The following SEC14L5 variants were observed in gnomAD, a reference collection of about 807,000 sequenced individuals.
The protein encoded by SEC14L5 is SEC14 like lipid binding 5, also known as SEC14-like protein 5.
Under a neutral mutation model 84.6 loss-of-function variants are expected in SEC14L5, and 96 were observed. The ratio of observed to expected loss-of-function variants is 1.13; its 90% CI spans 0.96 to 1.34. The LOEUF (loss-of-function observed/expected upper bound fraction) is 1.34, where lower values mean the gene tolerates loss of function less well. Ranked by LOEUF, SEC14L5 falls within the 40% of genes most tolerant of loss-of-function variation. SEC14L5 has a pLI of 0.00. For synonymous variants in SEC14L5, 546 were observed against 383.4 expected (o/e 1.42, Z -4.95); for missense variants, 1,224 against 942.5 (o/e 1.30, Z -3.91).
chr16:5,010,764 C>T, intron 14 of SEC14L5: 1 of 301,536 alleles, frequency 3.3e-6, no homozygotes, highest in Non-Finnish European at 6.2e-6. Flanking sequence ...TTCCTAATCC[C>T]CTTGGTTTGC....
rs141146745 is a variant in SEC14L5 at position 4,989,534 on chromosome 16, A to G, written c.346-1233A>G. Among the ~76,000 whole-genome samples, 1,389 of 152,100 alleles carry G rather than the reference A, an allele frequency of 9.1e-3. 10 individuals are homozygous for G. The highest frequency in any genetic ancestry group is 0.02 in the Middle Eastern group (6 of 294). On this transcript the variant is annotated intron_variant, in intron 4 of 15. Transcript: ENST00000251170. Reference sequence around the variant, plus strand: ...GCTGATTTTTGTATTTTTAGTAGAGATAGGGTTTCTCCATGTTGGCCAGGC... The same window carrying G: ...GCTGATTTTTGTATTTTTAGTAGAGGTAGGGTTTCTCCATGTTGGCCAGGC...
Position 4,992,003 on chromosome 16 carries a change from C to T in SEC14L5, c.640C>T (p.Pro214Ser), listed in dbSNP as rs1427345881. ...EAHGPRSTLG[P>S]ALEAVSMDGD... is the part of the protein sequence containing the mutation. ...CCACGGGCCCCGTAGCACCCTGGGG[C>T]CCGCTCTGGAGGCGGTCAGTATGGA... Residue 214 changes from proline (P) to serine (S), a missense_variant, in exon 6 of 16, where the codon CCC becomes TCC. Transcript: ENST00000251170. The T allele has an allele frequency of 1.9e-6, 3 of 1,578,894 alleles. No individual in the cohort carries two copies. Among genetic ancestry groups the T allele is most frequent in the South Asian group, 2.3e-5 (2 of 87,478 alleles).
chr16:5,002,298 A>ATTTTTT (rs71402579), intron 10 of SEC14L5, among the ~76,000 whole-genome samples: 1 of 133,740 alleles, frequency 7.5e-6, no homozygotes, highest in Non-Finnish European at 1.6e-5. Context: ...CTGTTTGCAG[A>ATTTTTT]TTTTTTTTTT....
chr16:4,976,832 A>G (rs1955347094), intron 2 of SEC14L5, among the ~76,000 whole-genome samples: 1 of 152,218 alleles, frequency 6.6e-6, no homozygotes, highest in African/African-American at 2.4e-5. Flanking sequence ...TGAGAGCACC[A>G]AACCATGTGT....
chr16:5,012,041 A>G (rs895198792), intron 15 of SEC14L5, among the ~76,000 whole-genome samples: 5 of 152,230 alleles, frequency 3.3e-5, no homozygotes, highest in Non-Finnish European at 7.3e-5. Context: ...TTAAGGCTCA[A>G]GGAAGGTGCT....
At chr16:4,988,755 C>G (rs1955522517) in intron 4 of SEC14L5, among the ~76,000 whole-genome samples, 1 of 152,220 alleles carries the variant, frequency 6.6e-6, no homozygotes, top group African/African-American at 2.4e-5. Context: ...TTACCTTTGA[C>G]TATAATTAAT....
intron 11 of SEC14L5, 141 bp downstream of exon 11, chr16:5,003,714 C>A: frequency 1.6e-6 from 1 of 619,062 alleles, no homozygotes; most frequent in Non-Finnish European, 2.8e-6. Flanking sequence ...TAGCATAAAG[C>A]TCACACTTTT....
Position 5,003,389 on chromosome 16 carries a change from A to G in SEC14L5, c.1131-13A>G, listed in dbSNP as rs769794743. On this transcript the variant is annotated splice_polypyrimidine_tract_variant and intron_variant, in intron 10 of 15. Transcript: ENST00000251170. ...AGCAGAGCCAGGTGGAGCTGGGGCT[A>G]TTTCTGCCACAGCTCCTGGACCTGC... 6.2e-6 allele frequency: 10 copies of G among 1,608,790 alleles called. No homozygotes were observed. The highest frequency in any genetic ancestry group is 1.3e-5 in the African/African-American group (1 of 74,830).
intron 10 of SEC14L5, among the ~76,000 whole-genome samples, chr16:5,002,486 G>C (rs561662557): frequency 6.6e-6 from 1 of 152,012 alleles, no homozygotes; most frequent in Non-Finnish European, 1.5e-5. Flanking sequence ...TAGTAGAGAT[G>C]GGGTTTCACC....
Position 5,015,304 on chromosome 16 carries a change from T to C in SEC14L5, c.*334T>C. 1 of 271,390 alleles carries C rather than the reference T, an allele frequency of 3.7e-6. No individual in the cohort carries two copies. Among genetic ancestry groups the C allele is most frequent in the East Asian group, 7.2e-5 (1 of 13,966 alleles). The allele number at this position is 271,390 out of a possible 1,614,324, so 16.8% of individuals were successfully genotyped here. On this transcript the variant is annotated 3_prime_UTR_variant, in exon 16 of 16. Transcript: ENST00000251170. ...CATCTCCTCTCTGTCCACCTCTTGC[T>C]CTGCTTTCGCCATGCAGGGGACCAT...
intron 2 of SEC14L5, among the ~76,000 whole-genome samples, chr16:4,980,409 TG>T (rs1955407428): frequency 6.6e-6 from 1 of 152,144 alleles, no homozygotes; most frequent in Non-Finnish European, 1.5e-5. Flanking sequence ...GCCTGTTATC[TG>T]GGGGCTCCAG....
At chr16:4,998,504 C>T (rs1216219650) in intron 8 of SEC14L5, among the ~76,000 whole-genome samples, 6 of 149,650 alleles carry the variant, frequency 4.0e-5, no homozygotes, top group Non-Finnish European at 6.0e-5. Flanking sequence ...TTTGGGAGGC[C>T]GAGGCGGGCG....
chr16:5,014,599 C>T lies in SEC14L5; in HGVS notation c.1980-260C>T, dbSNP rs543747415. On this transcript the variant is annotated intron_variant, in intron 15 of 15. Coordinates refer to ENST00000251170, the MANE Select transcript of SEC14L5 (RefSeq NM_014692.2). ...GGGCCGGGGACTCCCTGGGCTGTGG[C>T]GGCCTTAGGGCCATGCAAGGGCCTC... Among the ~76,000 whole-genome samples the T allele has an allele frequency of 2.2e-4, 33 of 152,328 alleles. 1 individual carries two copies. Among genetic ancestry groups the T allele is most frequent in the Admixed American group, 1.3e-3 (20 of 15,302 alleles).
intron 2 of SEC14L5, among the ~76,000 whole-genome samples, chr16:4,974,931 C>A (rs886273137): frequency 3.9e-5 from 6 of 151,942 alleles, no homozygotes; most frequent in Non-Finnish European, 7.4e-5. Flanking sequence ...GTGTGTGCCA[C>A]CATGCCTGGC....
At chr16:4,990,687 C>T in intron 4 of SEC14L5, 80 bp from the exon 5 acceptor site, 3 of 1,401,352 alleles carry the variant, frequency 2.1e-6, no homozygotes, top group Non-Finnish European at 2.9e-6. Flanking sequence ...TGCCTGGGCC[C>T]AGGTCAGTGG....
At chr16:4,974,882 A>T (rs956283795) in intron 2 of SEC14L5, among the ~76,000 whole-genome samples, 1 of 151,812 alleles carries the variant, frequency 6.6e-6, no homozygotes, top group Non-Finnish European at 1.5e-5. Flanking sequence ...TATTCAAGCG[A>T]TTCTCCTGCC....
At chr16:4,971,556 G>A (rs1443483715) in intron 2 of SEC14L5, among the ~76,000 whole-genome samples, 1 of 152,160 alleles carries the variant, frequency 6.6e-6, no homozygotes, top group Non-Finnish European at 1.5e-5. Context: ...TAATCCCTGT[G>A]GATAAACCCT....
chr16:5,015,020 G>A lies in SEC14L5; in HGVS notation c.*50G>A. 2.1e-6 allele frequency: 3 copies of A among 1,434,136 alleles called. No individual in the cohort carries two copies. The highest frequency in any genetic ancestry group is 2.9e-6 in the Non-Finnish European group (3 of 1,029,900). The allele number at this position is 1,434,136 out of a possible 1,614,324, so 88.8% of individuals were successfully genotyped here. A position where few individuals can be genotyped will look rare whatever the true frequency, so the allele number is the denominator to read the frequency against. On this transcript the variant is annotated 3_prime_UTR_variant, in exon 16 of 16. Transcript: ENST00000251170. ...CCGCTCGCCTCCAGTGTCCAGAAAT[G>A]TCCAGAATGAGAAGCCAGCTAACTG...
chr16:5,008,546 G>A lies in SEC14L5; in HGVS notation c.1698G>A (p.Gly566=), dbSNP rs1294675989. Reference sequence around the variant, plus strand: ...CCAGGCTGGGCGCCCGGGAACCGGGGACCAGGGCCAGCGGGCAGCTGATCG... The same window carrying A: ...CCAGGCTGGGCGCCCGGGAACCGGGAACCAGGGCCAGCGGGCAGCTGATCG... The part of the protein sequence containing the change: ...QAPRLGAREP[G]TRASGQLIDK... Residue 566 remains glycine, a synonymous_variant, in exon 14 of 16, where the codon GGG becomes GGA. Transcript: ENST00000251170. 1.2e-6 allele frequency: 2 copies of A among 1,609,536 alleles called. No individual in the cohort carries two copies. Among genetic ancestry groups the A allele is most frequent in the Admixed American group, 1.7e-5 (1 of 58,628 alleles).
Sources: gnomAD v4.1 joint callset for allele counts (sites outside exome capture counted in the v4.1 genomes callset) on GRCh38, gnomAD v4.1.1 for gene constraint, MANE v1.5 for transcripts, NCBI Gene and HGNC (gene_info 2026-07-23, HGNC 2026-07-21) for gene names.